The following KCNIP4 variants were observed in gnomAD, a reference collection of about 807,000 sequenced individuals.
KCNIP4 encodes potassium voltage-gated channel interacting protein 4, also known as Kv channel-interacting protein 4.
KCNIP4 carries 12 observed loss-of-function variants against 34.0 expected under a neutral mutation model. The ratio of observed to expected loss-of-function variants is 0.35; its 90% CI spans 0.23 to 0.57. The LOEUF (loss-of-function observed/expected upper bound fraction) is 0.57. KCNIP4 is among the 20% of genes least tolerant of loss of function. The probability of loss-of-function intolerance (pLI) is 0.83; values close to 1 mark genes in which losing one functional copy is unlikely to be tolerated. For synonymous variants in KCNIP4, 124 were observed against 102.2 expected (o/e 1.21, Z -1.29); for missense variants, 238 against 311.7 (o/e 0.76, Z 1.78).
chr4:21,486,959 GGC>G (rs1027208505), intron 1 of KCNIP4, among the ~76,000 whole-genome samples: 1 of 151,748 alleles, frequency 6.6e-6, no homozygotes, highest in Non-Finnish European at 1.5e-5. Context: ...CATCACACCT[GGC>G]TAATTTTTTT....
intron 1 of KCNIP4, among the ~76,000 whole-genome samples, chr4:21,060,032 C>A (rs1040618030): frequency 6.6e-6 from 1 of 152,138 alleles, no homozygotes; most frequent in East Asian, 1.9e-4. Context: ...ACAACCTATA[C>A]CTAAAAAGAT....
chr4:20,822,381 C>T (rs1717216453), intron 3 of KCNIP4, among the ~76,000 whole-genome samples: 2 of 152,194 alleles, frequency 1.3e-5, no homozygotes, highest in South Asian at 2.1e-4. Context: ...TACCACCTTA[C>T]TCTTGCAAGA....
chr4:21,783,771 G>T (rs574893068), intron 1 of KCNIP4, among the ~76,000 whole-genome samples: 1 of 152,050 alleles, frequency 6.6e-6, no homozygotes, highest in Non-Finnish European at 1.5e-5. Context: ...TCGGAGGAGT[G>T]GGTAAACAGA....
At chr4:21,738,586 T>C (rs893812861) in intron 1 of KCNIP4, among the ~76,000 whole-genome samples, 1 of 152,232 alleles carries the variant, frequency 6.6e-6, no homozygotes, top group Non-Finnish European at 1.5e-5. Context: ...ATTTTATGCT[T>C]ACATGTGTCC....
intron 1 of KCNIP4, among the ~76,000 whole-genome samples, chr4:21,449,945 T>G (rs1453919496): frequency 2.6e-5 from 4 of 152,106 alleles, no homozygotes; most frequent in Non-Finnish European, 5.9e-5. Context: ...ACATGTCTAT[T>G]TAATAGCAAA....
chr4:20,955,794 G>A (rs1262667190), intron 1 of KCNIP4, among the ~76,000 whole-genome samples: 4 of 152,124 alleles, frequency 2.6e-5, no homozygotes, highest in African/African-American at 9.7e-5. Flanking sequence ...CAAATTATAT[G>A]CCTAAATTCA....
chr4:21,601,873 C>T (rs193103112), intron 1 of KCNIP4, among the ~76,000 whole-genome samples: 71 of 152,242 alleles, frequency 4.7e-4, no homozygotes, highest in Admixed American at 5.2e-4. Context: ...GTCACCTCCT[C>T]GGAGAAGCTC....
intron 1 of KCNIP4, among the ~76,000 whole-genome samples, chr4:21,831,842 A>T (rs536784496): frequency 4.6e-5 from 7 of 152,242 alleles, no homozygotes; most frequent in East Asian, 1.9e-4. Context: ...CCAAACAAGG[A>T]TACTGCAAGA....
At chr4:21,879,191 C>T (rs1469292474) in intron 1 of KCNIP4, among the ~76,000 whole-genome samples, 2 of 152,052 alleles carry the variant, frequency 1.3e-5, no homozygotes, top group Non-Finnish European at 2.9e-5. Context: ...AAAAATTGCA[C>T]ACCCTCAAGG....
At chr4:21,553,357 A>G (rs1738731012) in intron 1 of KCNIP4, among the ~76,000 whole-genome samples, 1 of 152,154 alleles carries the variant, frequency 6.6e-6, no homozygotes, top group Admixed American at 6.6e-5. Context: ...ATTGAATGTG[A>G]TAATATGTAT....
chr4:21,712,250 T>C (rs1713787835), intron 1 of KCNIP4, among the ~76,000 whole-genome samples: 1 of 152,236 alleles, frequency 6.6e-6, no homozygotes, highest in South Asian at 2.1e-4. Context: ...TATTGGGTCC[T>C]AGATACCATA....
chr4:20,758,737 A>C (rs1754690786), intron 4 of KCNIP4, 84 bp downstream of exon 4: 1 of 991,300 alleles, frequency 1.0e-6, no homozygotes, highest in Non-Finnish European at 1.6e-6. Flanking sequence ...AAAATGTAGC[A>C]TCATGCTATG....
At chr4:21,684,068 CCTAGTGACA>C (rs1750623018) in intron 1 of KCNIP4, among the ~76,000 whole-genome samples, 3 of 151,872 alleles carry the variant, frequency 2.0e-5, no homozygotes, top group African/African-American at 4.8e-5. Flanking sequence ...TAAAACAAAC[CCTAGTGACA>C]CTAGTTTACT....
chr4:21,145,229 C>T (rs1341902420), intron 1 of KCNIP4, among the ~76,000 whole-genome samples: 3 of 152,074 alleles, frequency 2.0e-5, no homozygotes, highest in Non-Finnish European at 1.5e-5. Context: ...CTCAGGCTTC[C>T]GTAGCTTTAG....
rs200231130 is a variant in KCNIP4, at chr4:20,802,165, CTATATATGCTATATATATGCTA to C, written c.289-43297_289-43276del. Reference sequence around the variant, plus strand: ...ATGCTATATATATGCTATATATATGCTATATATGCTATATATATGCTATATATATGCTATATATATATGCTAC... The same window carrying C: ...ATGCTATATATATGCTATATATATGCTATATATGCTATATATATATGCTAC... On this transcript the variant is annotated intron_variant, in intron 3 of 8. Transcript: ENST00000382152. 4.1e-3 allele frequency among the ~76,000 whole-genome samples: 501 copies of C among 122,762 alleles called. 2 individuals carry two copies. The highest frequency in any genetic ancestry group is 8.4e-3 in the East Asian group (27 of 3,232). 80.5% of individuals were successfully genotyped at this position (122,762 alleles called of 152,430 possible). A position where few individuals can be genotyped will look rare whatever the true frequency, so the allele number is the denominator to read the frequency against.
At chr4:20,929,354 C>A (rs1730209780) in intron 1 of KCNIP4, among the ~76,000 whole-genome samples, 1 of 151,900 alleles carries the variant, frequency 6.6e-6, no homozygotes, top group Non-Finnish European at 1.5e-5. Context: ...AAACTCTTAA[C>A]AGTTTATGTA....
intron 2 of KCNIP4, among the ~76,000 whole-genome samples, chr4:20,867,644 C>A (rs1447384666): frequency 6.6e-6 from 1 of 152,048 alleles, no homozygotes; most frequent in African/African-American, 2.4e-5. Flanking sequence ...TTCCCAAAAA[C>A]AATTGTAACA....
intron 1 of KCNIP4, among the ~76,000 whole-genome samples, chr4:20,972,892 G>T (rs1268564252): frequency 6.6e-6 from 1 of 152,166 alleles, no homozygotes; most frequent in Admixed American, 6.5e-5. Flanking sequence ...AATTAGAAGT[G>T]GAGCCTGAGT....
intron 1 of KCNIP4, among the ~76,000 whole-genome samples, chr4:20,938,828 A>T (rs1209394992): frequency 1.3e-5 from 2 of 152,222 alleles, no homozygotes; most frequent in African/African-American, 4.8e-5. Context: ...TAAAAGACAC[A>T]CATGCCTCTG....
Sources: gnomAD v4.1 joint callset for allele counts (sites outside exome capture counted in the v4.1 genomes callset) on GRCh38, gnomAD v4.1.1 for gene constraint, MANE v1.5 for transcripts, NCBI Gene and HGNC (gene_info 2026-07-23, HGNC 2026-07-21) for gene names.